The following RAB36 variants were observed in gnomAD, a reference collection of about 807,000 sequenced individuals.
RAB36 encodes the protein ras-related protein Rab-36.
In RAB36, 33 loss-of-function variants were observed where a neutral mutation model predicts 39.3. The observed-to-expected ratio is 0.84, with a 90% confidence interval of 0.64 to 1.12. The LOEUF (loss-of-function observed/expected upper bound fraction) is 1.12. RAB36 is among the 50% of genes most tolerant of loss of function. The probability of loss-of-function intolerance (pLI) is 0.00; values close to 1 mark genes in which losing one functional copy is unlikely to be tolerated. For missense variants in RAB36, 308 were observed against 355.3 expected (o/e 0.87, Z 1.07); for synonymous variants, 133 against 140.2 (o/e 0.95, Z 0.36).
chr22:23,160,455 C>T (rs558838100), intron 9 of RAB36, among the ~76,000 whole-genome samples: 1 of 152,336 alleles, frequency 6.6e-6, no homozygotes, highest in South Asian at 2.1e-4. Flanking sequence ...CATGTGGGGG[C>T]TGACAGCAAA....
intron 5 of RAB36, among the ~76,000 whole-genome samples, chr22:23,155,694 T>C (rs1256419983): frequency 1.8e-4 from 28 of 152,042 alleles, no homozygotes; most frequent in Non-Finnish European, 1.5e-5. Context: ...CAGAAGGGAG[T>C]GAGCTGCAAC....
At chr22:23,166,489 A>G (rs2072054272), downstream of RAB36, among the ~76,000 whole-genome samples, 1 of 152,110 alleles carries the variant, frequency 6.6e-6, no homozygotes, top group South Asian at 2.1e-4. Context: ...CCTTACCCTG[A>G]CCTTTGCCAA....
chr22:23,158,150 T>G, intron 7 of RAB36, 107 bp downstream of exon 7: 1 of 1,541,464 alleles, frequency 6.5e-7, no homozygotes, highest in South Asian at 1.2e-5. Context: ...TGGGTGTGAG[T>G]GACCAGGGCC....
chr22:23,152,676 G>A lies in RAB36; in HGVS notation c.227+150G>A, dbSNP rs550638937. The A allele has an allele frequency of 9.0e-6, 7 of 780,676 alleles. No homozygotes were observed. In the African/African-American group the frequency reaches 1.0e-4, roughly 12 times the overall value. The allele number at this position is 780,676 out of a possible 1,614,324, so 48.4% of individuals were successfully genotyped here. A position where few individuals can be genotyped will look rare whatever the true frequency, so the allele number is the denominator to read the frequency against. ...CAGCCTGCTGGGAGCCGGATAAGAGGGGGTGCAAGAAATCGGGGAGATGGC... is the reference window on the plus strand; with the variant it reads ...CAGCCTGCTGGGAGCCGGATAAGAGAGGGTGCAAGAAATCGGGGAGATGGC... On this transcript the variant is annotated intron_variant, in intron 4 of 10. Transcript: ENST00000263116.
intron 3 of RAB36, among the ~76,000 whole-genome samples, chr22:23,151,063 A>C (rs1361362976): frequency 6.6e-6 from 1 of 152,258 alleles, no homozygotes; most frequent in Non-Finnish European, 1.5e-5. Flanking sequence ...TAAGGAGCTC[A>C]TAGTCTGCTC....
At chr22:23,165,708 T>C (rs1286103105), downstream of RAB36, among the ~76,000 whole-genome samples, 1 of 152,232 alleles carries the variant, frequency 6.6e-6, no homozygotes, top group Non-Finnish European at 1.5e-5. Flanking sequence ...GCTTGGTAGC[T>C]GGGCCACTAG....
intron 1 of RAB36, 88 bp downstream of exon 1, chr22:23,145,639 C>A: frequency 2.9e-6 from 4 of 1,383,664 alleles, no homozygotes; most frequent in Non-Finnish European, 3.9e-6. Flanking sequence ...GAGGGCACAG[C>A]GTCCGCGCCC....
At chr22:23,150,041 C>T (rs1323304951) in intron 2 of RAB36, 22 bp from the exon 3 acceptor site, 5 of 1,571,424 alleles carry the variant, frequency 3.2e-6, no homozygotes, top group Non-Finnish European at 4.3e-6. Context: ...GATGATGTGT[C>T]CGTCTGTCTG....
intron 3 of RAB36, 138 bp downstream of exon 3, chr22:23,150,292 T>TA: frequency 1.0e-5 from 7 of 676,298 alleles, no homozygotes; most frequent in South Asian, 3.6e-5. Flanking sequence ...ACTGGGGTTT[T>TA]CTTTTTTTTT....
chr22:23,145,513 C>G lies in RAB36; in HGVS notation c.-51C>G. 1 of 1,605,172 alleles carries G rather than the reference C, an allele frequency of 6.2e-7. No individual in the cohort carries two copies. The highest frequency in any genetic ancestry group is 8.5e-7 in the Non-Finnish European group (1 of 1,179,508). On this transcript the variant is annotated 5_prime_UTR_variant, in exon 1 of 11. Transcript: ENST00000263116. ...GATCGCCGCCGCTGGCTCAGGCGGACCAGGCCGCGCGGAGCCCCAGCTTTC... is the reference window on the plus strand; with the variant it reads ...GATCGCCGCCGCTGGCTCAGGCGGAGCAGGCCGCGCGGAGCCCCAGCTTTC...
In RAB36 at chr22:23,145,901, G is replaced by C. The variant is rs941922086; in HGVS notation, c.-13+350G>C. On this transcript the variant is annotated intron_variant, in intron 1 of 10. Coordinates refer to ENST00000263116, the MANE Select transcript of RAB36 (RefSeq NM_004914.5). ...TGAAGTGAGGGTTTTCAGGGAAAAG[G>C]CCTAGTTGGCTGAAAGTTAAGGCCC... The C allele has an allele frequency of 3.6e-5, 31 of 855,032 alleles. 1 individual carries two copies. The highest frequency in any genetic ancestry group is 1.2e-4 in the Admixed American group (2 of 16,122). The allele number at this position is 855,032 out of a possible 1,614,324, so 53.0% of individuals were successfully genotyped here. A position where few individuals can be genotyped will look rare whatever the true frequency, so the allele number is the denominator to read the frequency against.
intron 9 of RAB36, among the ~76,000 whole-genome samples, chr22:23,160,167 C>T (rs779643809): frequency 1.3e-4 from 20 of 152,138 alleles, no homozygotes; most frequent in Non-Finnish European, 2.4e-4. Context: ...TGAGGGTTGG[C>T]GTCACAAGTA....
In RAB36 at chr22:23,162,933, T is replaced by C. The variant is rs1488355921; in HGVS notation, c.*1369T>C. 2 of 343,684 alleles carry C rather than the reference T, an allele frequency of 5.8e-6. No homozygotes were observed. The highest frequency in any genetic ancestry group is 7.8e-5 in the East Asian group (1 of 12,760). 21.3% of individuals were successfully genotyped at this position (343,684 alleles called of 1,614,324 possible). ...AAATGACTTTTTTTTTTTTTTGAGA[T>C]GGAGTTTCACCCTTGTTGCCCAGGC... On this transcript the variant is annotated 3_prime_UTR_variant, in exon 11 of 11. Coordinates refer to ENST00000263116, the MANE Select transcript of RAB36 (RefSeq NM_004914.5).
chr22:23,152,458 C>T lies in RAB36; in HGVS notation c.162-3C>T, dbSNP rs1226416855. 6.2e-7 allele frequency: 1 copy of T among 1,614,190 alleles called. No individual in the cohort carries two copies. The highest frequency in any genetic ancestry group is 8.5e-7 in the Non-Finnish European group (1 of 1,180,022). ...GACGGCAACACGGCCATATTTCTCA[C>T]AGGCTCAAACTCTCCAAGGTGGTGG... On this transcript the variant is annotated splice_region_variant and splice_polypyrimidine_tract_variant and intron_variant, in intron 3 of 10. Transcript: ENST00000263116.
chr22:23,162,810 T>C lies in RAB36; in HGVS notation c.*1246T>C, dbSNP rs1353996080. The C allele has an allele frequency of 6.7e-6, 3 of 450,768 alleles. No individual in the cohort carries two copies. Among genetic ancestry groups the C allele is most frequent in the Non-Finnish European group, 1.3e-5 (3 of 222,358 alleles). The allele number at this position is 450,768 out of a possible 1,614,324, so 27.9% of individuals were successfully genotyped here. ...TGGCACACTGCAGCTGCCCTGTAAA[T>C]GTTCAGCTCAGCGATTGCCAAATAC... On this transcript the variant is annotated 3_prime_UTR_variant, in exon 11 of 11. Transcript: ENST00000263116.
chr22:23,148,953 A>G, intron 2 of RAB36, among the ~76,000 whole-genome samples: 1 of 152,212 alleles, frequency 6.6e-6, no homozygotes, highest in East Asian at 1.9e-4. Context: ...GACCACATGA[A>G]AAGGTGCTAT....
At chr22:23,153,834 GC>G (rs1310099059) in intron 5 of RAB36, among the ~76,000 whole-genome samples, 7 of 151,482 alleles carry the variant, frequency 4.6e-5, no homozygotes, top group Non-Finnish European at 1.0e-4. Flanking sequence ...ACAGCTGTGT[GC>G]CCCCACACCC....
Position 23,160,970 on chromosome 22 carries a change from G to A in RAB36, c.711G>A (p.Arg237=), listed in dbSNP as rs1279787993. 5.0e-6 allele frequency: 8 copies of A among 1,612,718 alleles called. No homozygotes were observed. The highest frequency in any genetic ancestry group is 6.8e-6 in the Non-Finnish European group (8 of 1,179,188). The change falls in exon 10 of 11, where the codon CGG becomes CGA. Residue 237 remains arginine (R), a synonymous_variant. Transcript: ENST00000263116. ...ACCTGGAGAGGCAGAGCAGTGCCCG[G>A]CTCCAGGTCGGCAATGGAGACCTAA... is the stretch of plus-strand genomic sequence containing the variant. ...LQDLERQSSA[R]LQVGNGDLIQ... is the part of the protein sequence containing the mutation.
At chr22:23,145,767 A>C (rs1345331661) in intron 1 of RAB36, among the ~76,000 whole-genome samples, 2 of 152,226 alleles carry the variant, frequency 1.3e-5, no homozygotes, top group Admixed American at 6.5e-5. Context: ...CAGATGCGGG[A>C]AGACAACCGG....
Sources: gnomAD v4.1 joint callset for allele counts (sites outside exome capture counted in the v4.1 genomes callset) on GRCh38, gnomAD v4.1.1 for gene constraint, MANE v1.5 for transcripts, NCBI Gene and HGNC (gene_info 2026-07-23, HGNC 2026-07-21) for gene names.